Variants in WDPCP observed in about 807,000 individuals in gnomAD.
WDPCP encodes WD repeat-containing and planar cell polarity effector protein fritz homolog.
In WDPCP, 71 loss-of-function variants were observed where a neutral mutation model predicts 93.1. The ratio of observed to expected loss-of-function variants is 0.76; its 90% CI spans 0.63 to 0.93. The LOEUF (loss-of-function observed/expected upper bound fraction) is 0.93, where lower values mean the gene tolerates loss of function less well. Among genes scored for constraint, WDPCP ranks in the 40% least tolerant of loss-of-function variants. The probability of loss-of-function intolerance (pLI) is 0.00; values close to 1 mark genes in which losing one functional copy is unlikely to be tolerated. For missense variants in WDPCP, 844 were observed against 887.4 expected, an observed-to-expected ratio of 0.95 and a Z score of 0.62; for synonymous variants, 315 against 315.0, an observed-to-expected ratio of 1.00 and a Z score of 0.00.
At position 63,486,584 on chromosome 2, in the gene WDPCP, T is replaced by C; in HGVS notation, c.211A>G (p.Thr71Ala). The C allele has an allele frequency of 6.4e-7, 1 of 1,574,320 alleles. No homozygotes were observed. The highest frequency in any genetic ancestry group is 8.6e-7 in the Non-Finnish European group (1 of 1,156,718). Reference sequence around the variant, plus strand: ...TTCTTTTCTAAGTTACCATGCTCTGTCGCTGATATTGTGGCAGAAGGGATA... The same window carrying C: ...TTCTTTTCTAAGTTACCATGCTCTGCCGCTGATATTGTGGCAGAAGGGATA... ...QYYDKKDPPA[T>A]EHGNLEKKQK... The change falls in exon 4 of 18, where the codon ACA becomes GCA. Residue 71 changes from threonine (T) to alanine (A), a missense_variant and splice_region_variant. Transcript: ENST00000272321.
chr2:63,504,263 G>T (rs1465470148), intron 1 of WDPCP, among the ~76,000 whole-genome samples: 1 of 149,908 alleles, frequency 6.7e-6, no homozygotes, highest in Non-Finnish European at 1.5e-5. Context: ...CCTACTAAAT[G>T]CACTTTATAT....
chr2:63,373,037 C>T (rs1306780671), intron 12 of WDPCP, among the ~76,000 whole-genome samples: 3 of 152,016 alleles, frequency 2.0e-5, no homozygotes, highest in Admixed American at 6.6e-5. Flanking sequence ...GCAGGAGAAT[C>T]GCTTGAACCT....
chr2:63,522,020 C>T (rs1188205208), intron 1 of WDPCP, among the ~76,000 whole-genome samples: 1 of 152,080 alleles, frequency 6.6e-6, no homozygotes, highest in Non-Finnish European at 1.5e-5. Flanking sequence ...CTCTGGGACA[C>T]AGCCAAAGCA....
At chr2:63,826,952 G>A (rs1331329436) in intron 1 of WDPCP, among the ~76,000 whole-genome samples, 1 of 152,004 alleles carries the variant, frequency 6.6e-6, no homozygotes, top group Non-Finnish European at 1.5e-5. Context: ...AATCCATTTG[G>A]TATTTATTTG....
At chr2:63,762,440 C>A (rs1367653067) in intron 2 of WDPCP, among the ~76,000 whole-genome samples, 1 of 152,160 alleles carries the variant, frequency 6.6e-6, no homozygotes, top group Non-Finnish European at 1.5e-5. Flanking sequence ...ATAAACTGGG[C>A]ATTTTTGGTT....
rs563657105 is a variant in WDPCP, at chr2:63,703,082, T to C, written n.309-52244A>G. ...TTTTTTATGGCTGCATAGTATTCCA[T>C]GGTGTATATGTGCCACATTTTCTTA... is the stretch of plus-strand genomic sequence containing the variant. On this transcript the variant is annotated intron_variant and non_coding_transcript_variant, in intron 2 of 4. Coordinates refer to the WDPCP transcript ENST00000467687. 4.6e-5 allele frequency among the ~76,000 whole-genome samples: 7 copies of C among 152,318 alleles called. No individual in the cohort carries two copies. In the South Asian group the frequency reaches 1.5e-3, roughly 32 times the overall value.
intron 13 of WDPCP, among the ~76,000 whole-genome samples, chr2:63,305,571 A>G (rs758805791): frequency 3.3e-5 from 5 of 152,226 alleles, no homozygotes; most frequent in Non-Finnish European, 7.3e-5. Context: ...TCAAAGACCA[A>G]AGGTAGATAA....
chr2:63,587,320 C>T (rs1708923551), intron 1 of WDPCP, among the ~76,000 whole-genome samples: 1 of 152,036 alleles, frequency 6.6e-6, no homozygotes, highest in African/African-American at 2.4e-5. Context: ...TTAGAAACTC[C>T]GCAGAACTGA....
At chr2:63,359,089 C>T (rs1317447699) in intron 12 of WDPCP, among the ~76,000 whole-genome samples, 1 of 152,036 alleles carries the variant, frequency 6.6e-6, no homozygotes, top group African/African-American at 2.4e-5. Context: ...CTTCCTCTTT[C>T]CACTTTCCCT....
chr2:63,811,322 T>G (rs561013198), intron 2 of WDPCP, among the ~76,000 whole-genome samples: 2 of 152,320 alleles, frequency 1.3e-5, no homozygotes, highest in East Asian at 1.9e-4. Flanking sequence ...ATAATTACAT[T>G]GCTCGGTCTT....
At chr2:63,554,147 A>T (rs1041539695) in intron 1 of WDPCP, among the ~76,000 whole-genome samples, 1 of 152,236 alleles carries the variant, frequency 6.6e-6, no homozygotes, top group Non-Finnish European at 1.5e-5. Context: ...TCAATTTGGA[A>T]CACTTCCTGC....
At chr2:63,764,233 C>G (rs1670104775) in intron 2 of WDPCP, among the ~76,000 whole-genome samples, 1 of 152,140 alleles carries the variant, frequency 6.6e-6, no homozygotes, top group South Asian at 2.1e-4. Flanking sequence ...ATAATAAGCA[C>G]CAATCCTATC....
At chr2:63,292,132 C>CAAAAAAAAAAAAAAAAAAAAA (rs58370764) in intron 13 of WDPCP, among the ~76,000 whole-genome samples, 1 of 83,388 alleles carries the variant, frequency 1.2e-5, no homozygotes, top group African/African-American at 4.7e-5. Context: ...GACTCCGGCT[C>CAAAAAAAAAAAAAAAAAAAAA]AAAAAAAAAA....
chr2:63,645,619 T>C (rs1250063012), intron 3 of WDPCP, among the ~76,000 whole-genome samples: 1 of 152,230 alleles, frequency 6.6e-6, no homozygotes, highest in Non-Finnish European at 1.5e-5. Flanking sequence ...TCTCCAGCTA[T>C]TATTATATTG....
At chr2:63,811,101 G>T (rs541262499) in intron 2 of WDPCP, among the ~76,000 whole-genome samples, 1 of 152,302 alleles carries the variant, frequency 6.6e-6, no homozygotes, top group East Asian at 1.9e-4. Context: ...TTCACTTCAA[G>T]ATCAGTCCCA....
intron 2 of WDPCP, among the ~76,000 whole-genome samples, chr2:63,702,249 C>T (rs1669065271): frequency 6.6e-6 from 1 of 152,146 alleles, no homozygotes; most frequent in Non-Finnish European, 1.5e-5. Context: ...TGGTCTTGAA[C>T]TCCTGACCTC....
intron 1 of WDPCP, among the ~76,000 whole-genome samples, chr2:63,500,839 CT>C (rs1299936003): frequency 4.2e-4 from 64 of 152,160 alleles, no homozygotes; most frequent in Non-Finnish European, 1.2e-4. Flanking sequence ...AACTAATTGT[CT>C]ATAATACTAA....
chr2:63,371,505 T>C (rs548452757), intron 12 of WDPCP, among the ~76,000 whole-genome samples: 2 of 152,196 alleles, frequency 1.3e-5, no homozygotes, highest in East Asian at 3.9e-4. Context: ...ATCTACAAAG[T>C]CCTGTATGAC....
chr2:63,356,241 A>G (rs1489246082), intron 12 of WDPCP, among the ~76,000 whole-genome samples: 1 of 152,248 alleles, frequency 6.6e-6, no homozygotes, highest in Non-Finnish European at 1.5e-5. Flanking sequence ...TCCTCAATAT[A>G]TATGACCCCA....
Sources: gnomAD v4.1 joint callset for allele counts (sites outside exome capture counted in the v4.1 genomes callset) on GRCh38, gnomAD v4.1.1 for gene constraint, MANE v1.5 for transcripts, NCBI Gene and HGNC (gene_info 2026-07-23, HGNC 2026-07-21) for gene names.